The following SCLT1 variants were observed in gnomAD, a reference collection of about 807,000 sequenced individuals.
The protein encoded by SCLT1 is sodium channel and clathrin linker 1, also known as sodium channel-associated protein 1.
In SCLT1, 78 loss-of-function variants were observed where a neutral mutation model predicts 112.8. The observed-to-expected ratio is 0.69, with a 90% CI of 0.58 to 0.83. The LOEUF is 0.83. Among genes scored for constraint, SCLT1 ranks in the 40% least tolerant of loss-of-function variants. The probability of loss-of-function intolerance (pLI) is 0.00; values close to 1 mark genes in which losing one functional copy is unlikely to be tolerated. For missense variants in SCLT1, 747 were observed against 770.4 expected, an observed-to-expected ratio of 0.97 and a Z score of 0.36; for synonymous variants, 257 against 254.7, an observed-to-expected ratio of 1.01 and a Z score of -0.09.
intron 2 of SCLT1, among the ~76,000 whole-genome samples, chr4:129,071,133 T>C (rs1381893313): frequency 6.6e-6 from 1 of 152,208 alleles, no homozygotes; most frequent in Non-Finnish European, 1.5e-5. Flanking sequence ...CACTGTGGTC[T>C]GAGAGAGTGC....
intron 8 of SCLT1, among the ~76,000 whole-genome samples, chr4:128,996,658 A>G (rs1386631573): frequency 6.6e-6 from 1 of 152,052 alleles, no homozygotes; most frequent in African/African-American, 2.4e-5. Context: ...ATTTACTTTT[A>G]TCTTAACCAC....
intron 6 of SCLT1, among the ~76,000 whole-genome samples, 193 bp downstream of exon 6, chr4:129,003,548 G>T (rs1303634145): frequency 6.6e-6 from 1 of 151,842 alleles, no homozygotes; most frequent in African/African-American, 2.4e-5. Context: ...ACCAGTGAGG[G>T]TATTTGGCAA....
At chr4:129,063,847 G>A (rs777380534) in intron 2 of SCLT1, among the ~76,000 whole-genome samples, 1 of 152,158 alleles carries the variant, frequency 6.6e-6, no homozygotes, top group African/African-American at 2.4e-5. Flanking sequence ...CTTTTCGAGT[G>A]TCCTGCACAG....
At chr4:128,939,985 C>T (rs1352271612) in intron 17 of SCLT1, among the ~76,000 whole-genome samples, 9 of 152,196 alleles carry the variant, frequency 5.9e-5, no homozygotes, top group Admixed American at 2.6e-4. Context: ...TTAGTTAAGA[C>T]GTTCGGCTCT....
rs1193560701 is a variant in SCLT1, at chr4:128,992,171, G to GT, written c.681dup (p.Leu228ThrfsTer2). On this transcript the variant is annotated frameshift_variant, in exon 9 of 21. Transcript: ENST00000281142. LOFTEE classifies it high-confidence loss of function. ...GAAACTCATTTTTGAAAATACCTAA[G>GT]TTTTTTTCGGAGTTGTTCGATTATC... The GT allele has an allele frequency of 3.8e-6, 6 of 1,578,464 alleles. No homozygotes were observed. The highest frequency in any genetic ancestry group is 1.1e-5 in the South Asian group (1 of 87,088).
intron 18 of SCLT1, among the ~76,000 whole-genome samples, chr4:128,914,596 C>T (rs376067591): frequency 4.6e-5 from 7 of 151,786 alleles, no homozygotes; most frequent in South Asian, 2.1e-4. Context: ...ATAGGAGTAG[C>T]GGGGATGAAG....
Position 128,995,450 on chromosome 4 carries a change from T to C in SCLT1, c.615+2424A>G, listed in dbSNP as rs137922740. 4.0e-3 allele frequency among the ~76,000 whole-genome samples: 609 copies of C among 152,286 alleles called. 3 individuals carry two copies. The highest frequency in any genetic ancestry group is 0.014 in the African/African-American group (563 of 41,568). On this transcript the variant is annotated intron_variant, in intron 8 of 20. Transcript: ENST00000281142. ...ACTTCTTTTCATTAGGATTGGTTTC[T>C]GGAGATTTATCTTATTTCTTTGTAT... is the stretch of plus-strand genomic sequence containing the variant.
intron 18 of SCLT1, among the ~76,000 whole-genome samples, chr4:128,895,386 A>C (rs1372183660): frequency 6.6e-6 from 1 of 152,168 alleles, no homozygotes; most frequent in African/African-American, 2.4e-5. Flanking sequence ...TTATCTTTCC[A>C]ACCTTATCCC....
At position 129,038,404 on chromosome 4, in the gene SCLT1, A is replaced by G. The variant is rs371345601; in HGVS notation, c.290+637T>C. 1.8e-4 allele frequency among the ~76,000 whole-genome samples: 27 copies of G among 152,290 alleles called. No individual in the cohort carries two copies. In the South Asian group the frequency reaches 5.6e-3, roughly 32 times the overall value. ...TTCCTTGAAACTCTTGCACTTGTGT[A>G]TGTTATTGAATAAAAAAGTAAGTCC... is the stretch of plus-strand genomic sequence containing the variant. On this transcript the variant is annotated intron_variant, in intron 5 of 20. Coordinates refer to ENST00000281142, the MANE Select transcript of SCLT1 (RefSeq NM_144643.4).
Position 128,965,586 on chromosome 4 carries a change from T to C in SCLT1, c.778-268A>G, listed in dbSNP as rs184333060. On this transcript the variant is annotated intron_variant, in intron 10 of 20. Coordinates refer to ENST00000281142, the MANE Select transcript of SCLT1 (RefSeq NM_144643.4). ...CTACCAATATTTCAAACTATTTCTA[T>C]AGTACAAGTCTAACAAAACGAGAGG... Among the ~76,000 whole-genome samples the C allele has an allele frequency of 8.9e-4, 136 of 152,320 alleles. 1 individual carries two copies. In the Middle Eastern group the frequency reaches 0.031, roughly 34 times the overall value.
intron 14 of SCLT1, among the ~76,000 whole-genome samples, chr4:128,949,599 G>A (rs1043965385): frequency 3.3e-5 from 5 of 151,578 alleles, no homozygotes; most frequent in African/African-American, 7.3e-5. Flanking sequence ...CTCATTGTTC[G>A]ATTCCCACCT....
chr4:128,879,542 G>A (rs1215897331), downstream of SCLT1, among the ~76,000 whole-genome samples: 3 of 152,168 alleles, frequency 2.0e-5, no homozygotes, highest in Non-Finnish European at 4.4e-5. Context: ...CCAGCTATGT[G>A]ACCCCGAGCA....
intron 2 of SCLT1, among the ~76,000 whole-genome samples, chr4:129,060,725 T>C (rs1369294646): frequency 1.3e-5 from 2 of 152,178 alleles, no homozygotes; most frequent in Non-Finnish European, 2.9e-5. Context: ...TTCACCACAA[T>C]AGGGAGACTT....
At chr4:128,904,670 T>C (rs1734560699) in intron 18 of SCLT1, among the ~76,000 whole-genome samples, 1 of 152,150 alleles carries the variant, frequency 6.6e-6, no homozygotes, top group Admixed American at 6.5e-5. Flanking sequence ...TTACGAGAGA[T>C]GTTAGTAAAG....
At position 129,055,875 on chromosome 4, in the gene SCLT1, G is replaced by T. The variant is rs146561804; in HGVS notation, c.103-11824C>A. 2.6e-3 allele frequency among the ~76,000 whole-genome samples: 390 copies of T among 152,162 alleles called. 2 individuals are homozygous for T. The highest frequency in any genetic ancestry group is 9.1e-3 in the African/African-American group (376 of 41,518). On this transcript the variant is annotated intron_variant, in intron 2 of 20. Transcript: ENST00000281142. ...CAAACAAAACTCCTGCAGCTAGCTT[G>T]GTGTCTGCCCAAACATCCACCCAGT...
intron 14 of SCLT1, chr4:128,952,205 C>T (rs1738817722): frequency 2.6e-6 from 1 of 386,954 alleles, no homozygotes; most frequent in African/African-American, 2.1e-5. Context: ...TACAGGGAGT[C>T]AGAAAAGATG....
intron 18 of SCLT1, among the ~76,000 whole-genome samples, chr4:128,906,742 T>C (rs530399970): frequency 2.6e-5 from 4 of 152,202 alleles, no homozygotes; most frequent in Non-Finnish European, 4.4e-5. Context: ...TAATAAATAC[T>C]GAAATGAGTG....
chr4:129,039,950 G>A, intron 4 of SCLT1: 1 of 465,262 alleles, frequency 2.1e-6, no homozygotes. Flanking sequence ...GAATTTACAT[G>A]TAAAAGCATG....
chr4:128,906,388 C>T (rs1031389060), intron 18 of SCLT1, among the ~76,000 whole-genome samples: 22 of 152,076 alleles, frequency 1.4e-4, no homozygotes, highest in Admixed American at 1.1e-3. Flanking sequence ...TTAGTAGAGA[C>T]GGGGTGTCAT....
Sources: allele counts gnomAD v4.1 joint callset (sites outside exome capture counted in the v4.1 genomes callset), GRCh38; gene constraint gnomAD v4.1.1; transcripts MANE v1.5; gene names NCBI Gene and HGNC (gene_info 2026-07-23, HGNC 2026-07-21).